The following TEAD1 variants were observed in gnomAD, a reference collection of about 807,000 sequenced individuals.
TEAD1 encodes TEA domain transcription factor 1, also known as transcriptional enhancer factor TEF-1.
A neutral mutation model predicts 54.9 loss-of-function variants in TEAD1; 9 were observed. That is an observed-to-expected ratio of 0.16 (90% confidence interval 0.10 to 0.29). The LOEUF (loss-of-function observed/expected upper bound fraction) is 0.29, where lower values mean the gene tolerates loss of function less well. Ranked by LOEUF, TEAD1 falls within the 10% of genes least tolerant of loss-of-function variation. TEAD1 has a pLI of 1.00. For synonymous variants in TEAD1, 200 were observed against 187.8 expected (o/e 1.07, Z -0.53); for missense variants, 387 against 535.9 (o/e 0.72, Z 2.74).
intron 3 of TEAD1, among the ~76,000 whole-genome samples, chr11:12,809,178 GAGCGGC>G (rs1946239196): frequency 6.6e-6 from 1 of 152,212 alleles, no homozygotes; most frequent in South Asian, 2.1e-4. Flanking sequence ...GAGGACACCA[GAGCGGC>G]AGGCTTTGAA....
At chr11:12,776,523 A>G (rs1025605318) in intron 3 of TEAD1, among the ~76,000 whole-genome samples, 1 of 152,098 alleles carries the variant, frequency 6.6e-6, no homozygotes, top group African/African-American at 2.4e-5. Context: ...AGAGGTGGGT[A>G]GATTTTAGAG....
chr11:12,811,468 A>G (rs1484019994), intron 3 of TEAD1, among the ~76,000 whole-genome samples: 2 of 152,254 alleles, frequency 1.3e-5, no homozygotes, highest in Non-Finnish European at 2.9e-5. Context: ...TTCTTAGAAC[A>G]TAGTGACCTG....
At chr11:12,747,484 G>A (rs985268382) in intron 2 of TEAD1, among the ~76,000 whole-genome samples, 2 of 152,020 alleles carry the variant, frequency 1.3e-5, no homozygotes, top group African/African-American at 2.4e-5. Flanking sequence ...ATAGGCACCC[G>A]CCACCACACC....
chr11:12,690,355 G>C (rs1943431524), intron 2 of TEAD1, among the ~76,000 whole-genome samples: 1 of 151,996 alleles, frequency 6.6e-6, no homozygotes, highest in Admixed American at 6.6e-5. Flanking sequence ...GTCTAGATGA[G>C]GGTCCCAAAC....
intron 2 of TEAD1, among the ~76,000 whole-genome samples, chr11:12,737,113 C>T (rs10831903): frequency 0.34 from 51,023 of 151,832 alleles, 9,551 homozygotes; most frequent in South Asian, 0.61. Context: ...TATCTAAAAA[C>T]GTCATGTTTC....
chr11:12,757,992 C>T (rs1489543039), intron 2 of TEAD1, among the ~76,000 whole-genome samples: 1 of 152,076 alleles, frequency 6.6e-6, no homozygotes, highest in Non-Finnish European at 1.5e-5. Flanking sequence ...GTTGATCAGG[C>T]TGGTCTTGAA....
intron 3 of TEAD1, among the ~76,000 whole-genome samples, chr11:12,777,148 C>T (rs1475154177): frequency 6.6e-6 from 1 of 152,030 alleles, no homozygotes. Context: ...CCCTCTTAGC[C>T]TTTTAGAACA....
At chr11:12,712,562 A>G (rs1943962660) in intron 2 of TEAD1, among the ~76,000 whole-genome samples, 1 of 152,216 alleles carries the variant, frequency 6.6e-6, no homozygotes. Context: ...ATTAAGTTAA[A>G]TAATGCATGT....
intron 10 of TEAD1, among the ~76,000 whole-genome samples, chr11:12,905,515 G>A (rs915045197): frequency 3.3e-4 from 50 of 152,180 alleles, no homozygotes; most frequent in African/African-American, 1.1e-3. Context: ...ATAAAGGAGG[G>A]AAGGCAATTT....
intron 3 of TEAD1, among the ~76,000 whole-genome samples, chr11:12,780,721 G>A (rs1945524454): frequency 6.6e-6 from 1 of 152,108 alleles, no homozygotes; most frequent in African/African-American, 2.4e-5. Context: ...CGAATAAATT[G>A]GAAGACATTC....
intron 3 of TEAD1, among the ~76,000 whole-genome samples, chr11:12,855,134 C>T (rs1441430508): frequency 6.6e-6 from 1 of 152,180 alleles, no homozygotes; most frequent in Non-Finnish European, 1.5e-5. Flanking sequence ...CAGATACATA[C>T]CTCCTAGATC....
At chr11:12,870,713 C>T (rs1363662481) in intron 5 of TEAD1, among the ~76,000 whole-genome samples, 1 of 152,124 alleles carries the variant, frequency 6.6e-6, no homozygotes, top group African/African-American at 2.4e-5. Flanking sequence ...CGGTGAAACC[C>T]CGTCTCTACT....
At chr11:12,764,479 T>A (rs757953965) in intron 3 of TEAD1, 45 bp downstream of exon 3, 1 of 1,600,292 alleles carries the variant, frequency 6.2e-7, no homozygotes, top group Non-Finnish European at 8.6e-7. Context: ...AACCTGCAGT[T>A]GTGGTAGGGG....
intron 3 of TEAD1, among the ~76,000 whole-genome samples, chr11:12,812,836 G>A (rs932282843): frequency 9.2e-5 from 14 of 152,102 alleles, no homozygotes; most frequent in African/African-American, 3.1e-4. Flanking sequence ...CACCCCTAAT[G>A]GTCCTCTCTG....
chr11:12,788,223 G>A (rs937316469), intron 3 of TEAD1, among the ~76,000 whole-genome samples: 3 of 149,838 alleles, frequency 2.0e-5, no homozygotes, highest in African/African-American at 4.9e-5. Context: ...TGCAACCTCC[G>A]CCTCCTGGGT....
intron 2 of TEAD1, among the ~76,000 whole-genome samples, chr11:12,693,915 AGCCGC>A (rs1216875913): frequency 6.6e-6 from 1 of 152,232 alleles, no homozygotes; most frequent in Non-Finnish European, 1.5e-5. Context: ...TCCTGGCTAT[AGCCGC>A]GTTGGTGGTT....
chr11:12,795,635 C>G (rs10831909), intron 3 of TEAD1, among the ~76,000 whole-genome samples: 51,395 of 152,010 alleles, frequency 0.34, 9,344 homozygotes, highest in South Asian at 0.6. Context: ...TATACCCTTG[C>G]TCCTCCACCT....
intron 2 of TEAD1, among the ~76,000 whole-genome samples, chr11:12,708,927 G>T (rs1943874634): frequency 6.6e-6 from 1 of 152,148 alleles, no homozygotes; most frequent in Non-Finnish European, 1.5e-5. Context: ...TTAATTTTGG[G>T]AGGAAGAATA....
chr11:12,695,474 T>C (rs1347687978), intron 2 of TEAD1, among the ~76,000 whole-genome samples: 1 of 152,218 alleles, frequency 6.6e-6, no homozygotes, highest in Non-Finnish European at 1.5e-5. Context: ...CATGTAGATT[T>C]CAGGCTGGGA....
Sources: gnomAD v4.1 joint callset for allele counts (sites outside exome capture counted in the v4.1 genomes callset) on GRCh38, gnomAD v4.1.1 for gene constraint, MANE v1.5 for transcripts, NCBI Gene and HGNC (gene_info 2026-07-23, HGNC 2026-07-21) for gene names.